PRDM11: variants seen among roughly 807,000 people sequenced by gnomAD.
PRDM11 encodes the protein PR domain-containing protein 11.
PRDM11 carries 20 observed loss-of-function variants against 97.8 expected under a neutral mutation model. The observed-to-expected ratio is 0.20, with a 90% confidence interval of 0.14 to 0.30. The LOEUF (loss-of-function observed/expected upper bound fraction) is 0.30, where lower values mean the gene tolerates loss of function less well. Ranked by LOEUF, PRDM11 falls within the 10% of genes least tolerant of loss-of-function variation. The pLI, the probability that PRDM11 is intolerant of heterozygous loss-of-function variation, is 1.00. For missense variants in PRDM11, 1,139 were observed against 1,555.2 expected, an observed-to-expected ratio of 0.73 and a Z score of 4.50; for synonymous variants, 599 against 637.7, an observed-to-expected ratio of 0.94 and a Z score of 0.91.
chr11:45,182,146 T>A, intron 2 of PRDM11, 100 bp from the exon 3 acceptor site: 2 of 1,043,382 alleles, frequency 1.9e-6, no homozygotes, highest in South Asian at 3.0e-5. Context: ...CCACCCCACA[T>A]CTTCTCGGTC....
intron 1 of PRDM11, among the ~76,000 whole-genome samples, chr11:45,178,868 G>A (rs1408094131): frequency 1.3e-5 from 2 of 152,212 alleles, no homozygotes; most frequent in African/African-American, 4.8e-5. Flanking sequence ...TTCAATGGTG[G>A]CCTGCACCCT....
chr11:45,171,809 G>C (rs897266683), intron 1 of PRDM11, among the ~76,000 whole-genome samples: 3 of 152,208 alleles, frequency 2.0e-5, no homozygotes, highest in Non-Finnish European at 4.4e-5. Context: ...AGGACCTGTT[G>C]GTTCAGCACC....
chr11:45,163,579 C>G (rs1851985524), intron 1 of PRDM11, among the ~76,000 whole-genome samples: 2 of 152,226 alleles, frequency 1.3e-5, no homozygotes, highest in Admixed American at 1.3e-4. Flanking sequence ...CAGATTTGCA[C>G]TCTTCCTAAA....
intron 4 of PRDM11, among the ~76,000 whole-genome samples, chr11:45,183,435 C>G (rs1460451760): frequency 2.0e-5 from 3 of 152,136 alleles, no homozygotes; most frequent in Non-Finnish European, 4.4e-5. Flanking sequence ...TTGAACCAAC[C>G]GATCTTCTAG....
chr11:45,147,394 G>A (rs750631738), intron 1 of PRDM11: 2 of 152,198 alleles, frequency 1.3e-5, no homozygotes, highest in African/African-American at 4.8e-5. Flanking sequence ...CGGGGTGCTC[G>A]GGGATGAAGG....
chr11:45,105,454 G>T (rs1852044926), intron 1 of PRDM11, among the ~76,000 whole-genome samples: 1 of 152,212 alleles, frequency 6.6e-6, no homozygotes, highest in Admixed American at 6.5e-5. Flanking sequence ...AGCAGAGCTG[G>T]GACTGGAAGC....
chr11:45,221,235 T>G (rs1225701477), intron 6 of PRDM11, among the ~76,000 whole-genome samples: 1 of 152,220 alleles, frequency 6.6e-6, no homozygotes, highest in African/African-American at 2.4e-5. Flanking sequence ...ATTTCTTGTC[T>G]TCTTTGGATC....
At chr11:45,148,487 C>A (rs1332468063) in intron 1 of PRDM11, among the ~76,000 whole-genome samples, 1 of 152,192 alleles carries the variant, frequency 6.6e-6, no homozygotes, top group East Asian at 1.9e-4. Context: ...ACAGACCCCA[C>A]CGTGGTCCAT....
chr11:45,147,198 C>G (rs1280817116), intron 1 of PRDM11: 1 of 151,904 alleles, frequency 6.6e-6, no homozygotes, highest in South Asian at 2.1e-4. Context: ...CTTTTCTCTC[C>G]GCAAGCGGCG....
chr11:45,128,448 G>A (rs1214433765), intron 1 of PRDM11, among the ~76,000 whole-genome samples: 3 of 152,070 alleles, frequency 2.0e-5, no homozygotes, highest in Non-Finnish European at 2.9e-5. Flanking sequence ...CGCTCACGCT[G>A]GAAGCTGTAG....
At chr11:45,196,510 G>T (rs1465166112) in intron 4 of PRDM11, among the ~76,000 whole-genome samples, 1 of 152,120 alleles carries the variant, frequency 6.6e-6, no homozygotes, top group African/African-American at 2.4e-5. Flanking sequence ...GCAAACTCCT[G>T]ATCCAGATAC....
In PRDM11 at chr11:45,209,051, C is replaced by T. The variant is rs562470050; in HGVS notation, c.554+4273C>T. 2.3e-4 allele frequency: 106 copies of T among 456,704 alleles called. No individual in the cohort carries two copies. The Middle Eastern group carries it at 4.6e-3, about 20-fold the overall frequency. The allele number at this position is 456,704 out of a possible 1,614,324, so 28.3% of individuals were successfully genotyped here. ...AAGGCATAGCCCGGAAAATCACCTC[C>T]GTCAGCCAGGTGCCCCGCTCCGTCA... On this transcript the variant is annotated intron_variant, in intron 5 of 7. Coordinates refer to ENST00000683152, the MANE Select transcript of PRDM11 (RefSeq NM_001384648.1).
At chr11:45,113,820 GTGTGTTTTGT>G (rs1423370619) in intron 1 of PRDM11, among the ~76,000 whole-genome samples, 11 of 54,060 alleles carry the variant, frequency 2.0e-4, no homozygotes, top group African/African-American at 7.0e-4. Context: ...GTGTGTGTGT[GTGTGTTTTGT>G]TTTTTTTTTT....
At chr11:45,165,426 C>T (rs979057240) in intron 1 of PRDM11, among the ~76,000 whole-genome samples, 2 of 152,236 alleles carry the variant, frequency 1.3e-5, no homozygotes, top group African/African-American at 4.8e-5. Flanking sequence ...GAGTCCCCAG[C>T]CCAGCACCCT....
chr11:45,195,964 T>C (rs562437022), intron 4 of PRDM11, among the ~76,000 whole-genome samples: 2 of 152,352 alleles, frequency 1.3e-5, no homozygotes, highest in Non-Finnish European at 2.9e-5. Flanking sequence ...TTGGCTATTA[T>C]GAATAATGCT....
intron 1 of PRDM11, among the ~76,000 whole-genome samples, chr11:45,156,720 G>A (rs977276341): frequency 1.3e-5 from 2 of 152,188 alleles, no homozygotes; most frequent in Admixed American, 6.5e-5. Flanking sequence ...GATGCGCCTG[G>A]CTTGCTCATG....
chr11:45,181,335 T>C (rs916656856), intron 1 of PRDM11, among the ~76,000 whole-genome samples: 1 of 152,182 alleles, frequency 6.6e-6, no homozygotes, highest in Non-Finnish European at 1.5e-5. Context: ...TGCCAGGCGC[T>C]GAGGGCCCGT....
At chr11:45,152,148 A>G (rs1590384182) in intron 1 of PRDM11, among the ~76,000 whole-genome samples, 2 of 151,734 alleles carry the variant, frequency 1.3e-5, no homozygotes, top group South Asian at 4.2e-4. Flanking sequence ...GCTCATTGCA[A>G]CCTCCGCCTC....
At chr11:45,201,890 G>A (rs553724507) in intron 4 of PRDM11, among the ~76,000 whole-genome samples, 106 of 152,174 alleles carry the variant, frequency 7.0e-4, no homozygotes, top group African/African-American at 2.2e-3. Flanking sequence ...GGAGAATGGC[G>A]TGAACCTGGG....
Sources: allele counts gnomAD v4.1 joint callset (sites outside exome capture counted in the v4.1 genomes callset), GRCh38; gene constraint gnomAD v4.1.1; transcripts MANE v1.5; gene names NCBI Gene and HGNC (gene_info 2026-07-23, HGNC 2026-07-21).